PTPRD: variants seen among roughly 807,000 people sequenced by gnomAD.
PTPRD encodes protein tyrosine phosphatase receptor type D, also known as receptor-type tyrosine-protein phosphatase delta.
Under a neutral mutation model 214.5 loss-of-function variants are expected in PTPRD, and 34 were observed. The observed-to-expected ratio is 0.16, with a 90% CI of 0.12 to 0.21. The LOEUF (loss-of-function observed/expected upper bound fraction) is 0.21, where lower values mean the gene tolerates loss of function less well. Ranked by LOEUF, PTPRD falls within the 10% of genes least tolerant of loss-of-function variation. The pLI is 1.00. For synonymous variants in PTPRD, 1,128 were observed against 845.7 expected (o/e 1.33, Z -5.79); for missense variants, 2,545 against 2,398.7 (o/e 1.06, Z -1.27).
rs1592205348 is a variant in PTPRD at position 8,504,150 on chromosome 9, G to C, written c.1822+111C>G. On this transcript the variant is annotated intron_variant, in intron 23 of 45. Coordinates refer to ENST00000381196, the MANE Select transcript of PTPRD (RefSeq NM_002839.4). ...GTGAAGTGTGATGCATACTAACCTA[G>C]AGACTAACTATTAAGCATATTAGCA... The C allele has an allele frequency of 2.7e-6, 3 of 1,096,886 alleles. No homozygotes were observed. In the East Asian group the frequency reaches 7.1e-5, roughly 26 times the overall value. The allele number at this position is 1,096,886 out of a possible 1,614,324, so 67.9% of individuals were successfully genotyped here.
intron 11 of PTPRD, among the ~76,000 whole-genome samples, chr9:8,982,428 C>T (rs776280914): frequency 6.6e-6 from 1 of 151,660 alleles, no homozygotes; most frequent in African/African-American, 2.4e-5. Flanking sequence ...TTATCTTAAG[C>T]GAATGCTTCC....
chr9:10,170,269 A>G (rs1408596987), intron 3 of PTPRD, among the ~76,000 whole-genome samples: 2 of 152,166 alleles, frequency 1.3e-5, no homozygotes, highest in African/African-American at 4.8e-5. Context: ...TTCTTCTCAA[A>G]GTGGCCATTG....
intron 9 of PTPRD, among the ~76,000 whole-genome samples, chr9:9,272,074 C>T (rs1943164371): frequency 6.7e-6 from 1 of 150,336 alleles, no homozygotes; most frequent in African/African-American, 2.4e-5. Context: ...GACAGCAATT[C>T]CCCCCACCCC....
chr9:8,761,883 G>A (rs1436467785), intron 11 of PTPRD, among the ~76,000 whole-genome samples: 7 of 152,140 alleles, frequency 4.6e-5, no homozygotes, highest in Admixed American at 4.6e-4. Flanking sequence ...TGGCCTACAT[G>A]TGGATACAGT....
At chr9:8,607,409 C>G (rs2095268607) in intron 14 of PTPRD, among the ~76,000 whole-genome samples, 1 of 152,116 alleles carries the variant, frequency 6.6e-6, no homozygotes, top group Admixed American at 6.5e-5. Context: ...CTTTGGGAGG[C>G]TGAGGTGGGT....
At chr9:9,116,475 G>A (rs2099812453) in intron 10 of PTPRD, among the ~76,000 whole-genome samples, 2 of 152,062 alleles carry the variant, frequency 1.3e-5, no homozygotes, top group South Asian at 4.1e-4. Flanking sequence ...AGTGGGGAGG[G>A]TAGGAGGGGC....
At chr9:10,101,410 G>C (rs367843647) in intron 3 of PTPRD, among the ~76,000 whole-genome samples, 2 of 151,776 alleles carry the variant, frequency 1.3e-5, no homozygotes, top group South Asian at 4.1e-4. Flanking sequence ...CTAGGATGTA[G>C]TATCAGGTAA....
chr9:10,022,665 AT>A (rs746931084), intron 4 of PTPRD, among the ~76,000 whole-genome samples: 8 of 152,214 alleles, frequency 5.3e-5, no homozygotes, highest in Non-Finnish European at 1.2e-4. Flanking sequence ...TAGGAAAAAA[AT>A]CATTAAATTA....
At chr9:10,215,106 T>A (rs565850949) in intron 3 of PTPRD, among the ~76,000 whole-genome samples, 14 of 152,018 alleles carry the variant, frequency 9.2e-5, no homozygotes, top group Non-Finnish European at 1.8e-4. Flanking sequence ...AGCACAATCT[T>A]TTCTTTCTCA....
intron 14 of PTPRD, among the ~76,000 whole-genome samples, chr9:8,547,700 C>T (rs974459648): frequency 3.3e-5 from 5 of 149,518 alleles, no homozygotes; most frequent in Admixed American, 2.7e-4. Context: ...AAGTCACAGG[C>T]ATTGGATTTA....
At chr9:10,532,733 C>T (rs1354592067) in intron 2 of PTPRD, among the ~76,000 whole-genome samples, 1 of 151,368 alleles carries the variant, frequency 6.6e-6, no homozygotes, top group South Asian at 2.1e-4. Flanking sequence ...ATGAGAATTA[C>T]CTAATAAATA....
At chr9:10,514,193 T>C (rs1300034907) in intron 2 of PTPRD, among the ~76,000 whole-genome samples, 2 of 152,118 alleles carry the variant, frequency 1.3e-5, no homozygotes, top group East Asian at 3.8e-4. Context: ...TACAAATTTA[T>C]ACATAGATAC....
At chr9:9,724,290 T>C (rs1454876403) in intron 7 of PTPRD, among the ~76,000 whole-genome samples, 1 of 152,158 alleles carries the variant, frequency 6.6e-6, no homozygotes. Context: ...AGGTCAATAT[T>C]TGAAATAGTC....
chr9:8,617,375 C>T (rs1327909130), intron 14 of PTPRD, among the ~76,000 whole-genome samples: 5 of 152,066 alleles, frequency 3.3e-5, no homozygotes, highest in South Asian at 4.1e-4. Flanking sequence ...GAGAGAACTG[C>T]TGTCTCATTT....
intron 11 of PTPRD, among the ~76,000 whole-genome samples, chr9:8,946,812 CT>C (rs369025921): frequency 3.0e-4 from 45 of 151,998 alleles, no homozygotes; most frequent in African/African-American, 8.7e-4. Flanking sequence ...CCCTTTGTCC[CT>C]TTTTTTCCCC....
chr9:10,488,685 C>T (rs555337340), intron 2 of PTPRD, among the ~76,000 whole-genome samples: 49 of 152,228 alleles, frequency 3.2e-4, no homozygotes, highest in Middle Eastern at 6.8e-3. Context: ...TCAGTCCTTC[C>T]CACTCTTCCC....
At chr9:8,933,382 A>G (rs1220984006) in intron 11 of PTPRD, among the ~76,000 whole-genome samples, 1 of 107,190 alleles carries the variant, frequency 9.3e-6, no homozygotes, top group Non-Finnish European at 2.0e-5. Flanking sequence ...GGACTCTAGT[A>G]TAACATACAG....
chr9:9,532,708 G>T (rs1238768304), intron 8 of PTPRD, among the ~76,000 whole-genome samples: 1 of 152,112 alleles, frequency 6.6e-6, no homozygotes, highest in Non-Finnish European at 1.5e-5. Flanking sequence ...ATAACAGATG[G>T]ATGATTAGTG....
intron 5 of PTPRD, among the ~76,000 whole-genome samples, chr9:9,937,785 T>G (rs906184161): frequency 2.0e-5 from 3 of 152,172 alleles, no homozygotes; most frequent in African/African-American, 7.2e-5. Flanking sequence ...ATGTAGTTCT[T>G]ACAGTGTATG....
Sources: allele counts gnomAD v4.1 joint callset (sites outside exome capture counted in the v4.1 genomes callset), GRCh38; gene constraint gnomAD v4.1.1; transcripts MANE v1.5; gene names NCBI Gene and HGNC (gene_info 2026-07-23, HGNC 2026-07-21).